ACOT12: variants seen among roughly 807,000 people sequenced by gnomAD.
ACOT12 encodes the protein acetyl-coenzyme A thioesterase.
ACOT12 carries 51 observed loss-of-function variants against 67.7 expected under a neutral mutation model. That is an observed-to-expected ratio of 0.75 (90% CI 0.60 to 0.95). The LOEUF is 0.95. ACOT12 is among the 40% of genes least tolerant of loss of function. ACOT12 has a pLI of 0.00. For missense variants in ACOT12, 734 were observed against 708.1 expected, an observed-to-expected ratio of 1.04 and a Z score of -0.41; for synonymous variants, 251 against 244.6, an observed-to-expected ratio of 1.03 and a Z score of -0.24.
chr5:81,385,734 A>T (rs770170599), intron 2 of ACOT12, 23 bp downstream of exon 2: 12 of 1,612,714 alleles, frequency 7.4e-6, no homozygotes, highest in African/African-American at 1.3e-5. Context: ...AGGAGAAAGG[A>T]GCCATGGAGC....
the ACOT12 span, among the ~76,000 whole-genome samples, chr5:81,323,881 T>C: frequency 3.1e-4 from 42 of 137,114 alleles, no homozygotes; most frequent in Admixed American, 1.3e-3. Flanking sequence ...TATGTGTATA[T>C]ATGTATACAT....
At position 81,375,396 on chromosome 5, in the gene ACOT12, T is replaced by C. The variant is rs751631394; in HGVS notation, c.198-3586A>G. Among the ~76,000 whole-genome samples the C allele has an allele frequency of 4.6e-5, 7 of 152,196 alleles. No homozygotes were observed. In the East Asian group the frequency reaches 1.4e-3, roughly 29 times the overall value. ...CAGCCACTCCAAAAACATATCAAAT[T>C]GTAAAGACCATTGACACTATGAGGA... On this transcript the variant is annotated intron_variant, in intron 2 of 14. Transcript: ENST00000307624.
At chr5:81,356,728 G>A (rs917657094) in intron 5 of ACOT12, among the ~76,000 whole-genome samples, 3 of 151,410 alleles carry the variant, frequency 2.0e-5, no homozygotes, top group African/African-American at 7.3e-5. Context: ...CTTCTTCCTC[G>A]CCCTTCTCCC....
At chr5:81,356,751 G>A (rs773060663) in intron 5 of ACOT12, among the ~76,000 whole-genome samples, 1 of 151,318 alleles carries the variant, frequency 6.6e-6, no homozygotes, top group Non-Finnish European at 1.5e-5. Context: ...CAGCCAATCG[G>A]TGACCCTATT....
intron 5 of ACOT12, 60 bp downstream of exon 5, chr5:81,359,841 GAA>G (rs1207720720): frequency 6.6e-7 from 1 of 1,522,122 alleles, no homozygotes; most frequent in East Asian, 2.3e-5. Flanking sequence ...TGTGCTCTAA[GAA>G]AAGACTCCTT....
intron 5 of ACOT12, among the ~76,000 whole-genome samples, chr5:81,349,148 C>T (rs143445544): frequency 4.7e-4 from 71 of 152,244 alleles, no homozygotes; most frequent in Middle Eastern, 6.8e-3. Context: ...TTGCTGCTCT[C>T]GGCATAGTCA....
At chr5:81,357,439 T>A (rs1194280254) in intron 5 of ACOT12, among the ~76,000 whole-genome samples, 1 of 152,026 alleles carries the variant, frequency 6.6e-6, no homozygotes, top group African/African-American at 2.4e-5. Flanking sequence ...TCCTTGCTGC[T>A]GAGAGGGAAG....
the ACOT12 span, among the ~76,000 whole-genome samples, chr5:81,322,893 A>G: frequency 1.3e-5 from 2 of 152,008 alleles, no homozygotes; most frequent in South Asian, 4.2e-4. Context: ...AGCACGGGAG[A>G]ATTCGCCTCA....
rs781125976 is a variant in ACOT12, at chr5:81,332,579, C to G, written c.1289G>C (p.Ser430Thr). 7.4e-6 allele frequency: 12 copies of G among 1,614,094 alleles called. No individual in the cohort carries two copies. The highest frequency in any genetic ancestry group is 1.0e-5 in the Non-Finnish European group (12 of 1,180,008). Residue 430 changes from serine (S) to threonine (T), a missense_variant, in exon 13 of 15, where the codon AGT becomes ACT. Transcript: ENST00000307624. The part of the protein sequence containing the change: ...FVSCEVIDWV[S>T]EDDQLYHITC... Reference sequence around the variant, plus strand: ...GATGTGATACAGCTGATCATCTTCACTCACCCAGTCTATGACTTCACAGGA... The same window carrying G: ...GATGTGATACAGCTGATCATCTTCAGTCACCCAGTCTATGACTTCACAGGA...
At chr5:81,335,678 C>T (rs1758972194) in intron 12 of ACOT12, 90 bp downstream of exon 12, 2 of 1,421,752 alleles carry the variant, frequency 1.4e-6, no homozygotes, top group Non-Finnish European at 1.9e-6. Context: ...ATGGGTCACA[C>T]ATTGGACGAT....
intron 11 of ACOT12, among the ~76,000 whole-genome samples, chr5:81,336,912 A>T (rs1370601823): frequency 1.3e-5 from 2 of 152,206 alleles, no homozygotes; most frequent in African/African-American, 2.4e-5. Flanking sequence ...TCAGAAAGGA[A>T]ACAAGTGATT....
chr5:81,311,752 G>A, the ACOT12 span, among the ~76,000 whole-genome samples: 1 of 152,146 alleles, frequency 6.6e-6, no homozygotes, highest in Non-Finnish European at 1.5e-5. Flanking sequence ...AGTATCTGGC[G>A]ATTTTCTTCC....
intron 5 of ACOT12, among the ~76,000 whole-genome samples, chr5:81,348,926 T>C (rs1759467811): frequency 1.3e-5 from 2 of 152,242 alleles, no homozygotes; most frequent in Non-Finnish European, 2.9e-5. Context: ...CTCTTAACAA[T>C]GGAAAAATCA....
At position 81,350,464 on chromosome 5, in the gene ACOT12, CTT is replaced by C. The variant is rs1390938583; in HGVS notation, c.497-2536_497-2535del. On this transcript the variant is annotated intron_variant, in intron 5 of 14. Coordinates refer to ENST00000307624, the MANE Select transcript of ACOT12 (RefSeq NM_130767.3). ...GCTGTCTTTGTGGGCCTCGTTCAGA[CTT>C]TGTGGGGCCTGGTGTCACTTCCAGA... Among the ~76,000 whole-genome samples, 6 of 152,262 alleles carry C rather than the reference CTT, an allele frequency of 3.9e-5. No homozygotes were observed. In the South Asian group the frequency reaches 1.2e-3, roughly 32 times the overall value.
intron 10 of ACOT12, among the ~76,000 whole-genome samples, 195 bp from the exon 11 acceptor site, chr5:81,342,950 G>A (rs1180855848): frequency 6.6e-6 from 1 of 152,178 alleles, no homozygotes; most frequent in Non-Finnish European, 1.5e-5. Flanking sequence ...GGGAGGCCAA[G>A]GCAGGCAGAT....
intron 5 of ACOT12, 47 bp from the exon 6 acceptor site, chr5:81,347,977 C>T (rs1426523540): frequency 2.6e-6 from 4 of 1,562,440 alleles, no homozygotes; most frequent in Non-Finnish European, 3.5e-6. Flanking sequence ...GAACCATAGG[C>T]CCTGGGGCTC....
At chr5:81,311,240 G>A in the ACOT12 span, 10 of 1,614,102 alleles carry the variant, frequency 6.2e-6, no homozygotes, top group Non-Finnish European at 8.5e-6. Context: ...TGGCTCTGTG[G>A]AACATTTAAA....
chr5:81,380,788 A>C (rs1363658657), intron 2 of ACOT12, among the ~76,000 whole-genome samples: 1 of 152,142 alleles, frequency 6.6e-6, no homozygotes, highest in Non-Finnish European at 1.5e-5. Flanking sequence ...ATCTACTTAC[A>C]GTTATGCCTA....
chr5:81,332,795 G>A (rs1758871562), intron 12 of ACOT12, among the ~76,000 whole-genome samples, 190 bp from the exon 13 acceptor site: 2 of 152,142 alleles, frequency 1.3e-5, no homozygotes, highest in Admixed American at 1.3e-4. Context: ...TAGGCACAGT[G>A]GCTCATGCCT....
Sources: gnomAD v4.1 joint callset for allele counts (sites outside exome capture counted in the v4.1 genomes callset) on GRCh38, gnomAD v4.1.1 for gene constraint, MANE v1.5 for transcripts, NCBI Gene and HGNC (gene_info 2026-07-23, HGNC 2026-07-21) for gene names.